The following DDX43 variants were observed in gnomAD, a reference collection of about 807,000 sequenced individuals.
DDX43 encodes probable ATP-dependent RNA helicase DDX43.
In DDX43, 50 loss-of-function variants were observed where a neutral mutation model predicts 84.9. That is an observed-to-expected ratio of 0.59 (90% CI 0.47 to 0.75). DDX43 has a LOEUF of 0.75. Among genes scored for constraint, DDX43 ranks in the 30% least tolerant of loss-of-function variants. The pLI is 0.00. For missense variants in DDX43, 689 were observed against 798.6 expected, an observed-to-expected ratio of 0.86 and a Z score of 1.65; for synonymous variants, 291 against 266.3, an observed-to-expected ratio of 1.09 and a Z score of -0.90.
intron 4 of DDX43, among the ~76,000 whole-genome samples, chr6:73,402,318 A>G (rs749053587): frequency 5.9e-5 from 9 of 152,246 alleles, no homozygotes; most frequent in Non-Finnish European, 1.2e-4. Context: ...GTGATTGAGT[A>G]AAAATAGATC....
chr6:73,404,895 C>A, intron 5 of DDX43, 124 bp downstream of exon 5: 1 of 765,318 alleles, frequency 1.3e-6, no homozygotes, highest in Non-Finnish European at 2.1e-6. Flanking sequence ...GAAAATGTGT[C>A]AACTTACATG....
Position 73,413,797 on chromosome 6 carries a change from T to A in DDX43, c.1496+12T>A. On this transcript the variant is annotated intron_variant, in intron 12 of 16. Transcript: ENST00000370336. The stretch of plus-strand genomic sequence containing the variant: ...TCTCGAAAAGCTGTGTAGGTATTTT[T>A]TCTTGTGTGTCCATTATAATTAATT... 1.9e-6 allele frequency: 3 copies of A among 1,609,624 alleles called. No homozygotes were observed. Among genetic ancestry groups the A allele is most frequent in the Non-Finnish European group, 2.5e-6 (3 of 1,178,522 alleles).
chr6:73,404,479 A>G (rs1328271916), intron 4 of DDX43, among the ~76,000 whole-genome samples: 3 of 152,222 alleles, frequency 2.0e-5, no homozygotes, highest in Non-Finnish European at 4.4e-5. Flanking sequence ...CCAGCCTCTC[A>G]AAGTGCTGGG....
At chr6:73,405,469 G>A (rs1326620294) in intron 5 of DDX43, among the ~76,000 whole-genome samples, 7 of 152,158 alleles carry the variant, frequency 4.6e-5, no homozygotes, top group Admixed American at 6.5e-5. Flanking sequence ...AATGTATAAT[G>A]TTTTTAAGTT....
chr6:73,412,936 C>T (rs531403345), intron 11 of DDX43, among the ~76,000 whole-genome samples: 1 of 152,106 alleles, frequency 6.6e-6, no homozygotes, highest in South Asian at 2.1e-4. Flanking sequence ...GCCATGTTGG[C>T]CAGGCTGGTC....
intron 2 of DDX43, among the ~76,000 whole-genome samples, chr6:73,399,119 G>A (rs1160118121): frequency 6.6e-6 from 1 of 151,800 alleles, no homozygotes; most frequent in Non-Finnish European, 1.5e-5. Flanking sequence ...GCTAATTTTT[G>A]TACTTTAAGT....
chr6:73,405,660 T>A lies in DDX43; in HGVS notation c.651-19T>A, dbSNP rs755521911. 3.6e-5 allele frequency: 58 copies of A among 1,610,414 alleles called. No individual in the cohort carries two copies. The highest frequency in any genetic ancestry group is 4.6e-5 in the Non-Finnish European group (54 of 1,178,162). On this transcript the variant is annotated intron_variant, in intron 5 of 16. Coordinates refer to ENST00000370336, the MANE Select transcript of DDX43 (RefSeq NM_018665.3). ...GGAGTAAAGTGAGGAAAGCCACTGA[T>A]GTTTTTTATTCTTTGAAGGAAAGAA...
intron 9 of DDX43, 118 bp from the exon 10 acceptor site, chr6:73,409,130 C>A: frequency 1.3e-6 from 1 of 749,238 alleles, no homozygotes; most frequent in Non-Finnish European, 2.3e-6. Context: ...AGAATCGTGG[C>A]TTAAGTAATA....
intron 14 of DDX43, 29 bp downstream of exon 14, chr6:73,414,715 G>T: frequency 6.3e-7 from 1 of 1,585,736 alleles, no homozygotes; most frequent in East Asian, 2.3e-5. Context: ...CCCATGAAAG[G>T]CCAATTCTAG....
Position 73,412,211 on chromosome 6 carries a change from A to G in DDX43, c.1287A>G (p.Thr429=), listed in dbSNP as rs1769800464. ...TTGTAACTTGTATTCCCAGTGCTAC[A>G]TGGCCTCATTCAGTTCATCGCCTCG... is the stretch of plus-strand genomic sequence containing the variant. ...PDRQTVMTSA[T]WPHSVHRLAQ... Residue 429 remains threonine, a synonymous_variant, in exon 11 of 17, where the codon ACA becomes ACG. Transcript: ENST00000370336. 19 of 1,612,040 alleles carry G rather than the reference A, an allele frequency of 1.2e-5. No homozygotes were observed. In the Middle Eastern group the frequency reaches 4.9e-4, roughly 42 times the overall value.
intron 12 of DDX43, 56 bp downstream of exon 12, chr6:73,413,841 T>G: frequency 6.4e-7 from 1 of 1,569,436 alleles, no homozygotes; most frequent in Non-Finnish European, 8.7e-7. Flanking sequence ...TAGGATCATT[T>G]CTATTTGTAT....
rs1026764698 is a variant in DDX43 at position 73,405,884 on chromosome 6, C to G, written c.807+49C>G. 2.6e-6 allele frequency: 4 copies of G among 1,541,440 alleles called. No individual in the cohort carries two copies. In the Admixed American group the frequency reaches 7.2e-5, roughly 28 times the overall value. ...TTTCACTCAATGTTTTTCTTCGAAA[C>G]CAGTGATATCTGATTGTTAGAAGAC... is the stretch of plus-strand genomic sequence containing the variant. On this transcript the variant is annotated intron_variant, in intron 6 of 16. Transcript: ENST00000370336.
Position 73,412,224 on chromosome 6 carries a change from G to A in DDX43, c.1300G>A (p.Val434Ile). The A allele has an allele frequency of 6.2e-7, 1 of 1,613,638 alleles. No individual in the cohort carries two copies. Among genetic ancestry groups the A allele is most frequent in the African/African-American group, 1.3e-5 (1 of 74,986 alleles). The change falls in exon 11 of 17, where the codon GTT becomes ATT. Residue 434 changes from valine to isoleucine, a missense_variant. Val to Ile is a conservative substitution (Grantham distance 29, BLOSUM62 3). Coordinates refer to ENST00000370336, the MANE Select transcript of DDX43 (RefSeq NM_018665.3). ...TCCCAGTGCTACATGGCCTCATTCA[G>A]TTCATCGCCTCGCACAATCTTATTT... ...VMTSATWPHS[V>I]HRLAQSYLKE...
At chr6:73,402,842 G>C (rs1769601971) in intron 4 of DDX43, among the ~76,000 whole-genome samples, 1 of 152,142 alleles carries the variant, frequency 6.6e-6, no homozygotes, top group African/African-American at 2.4e-5. Context: ...GCCTCCCAAA[G>C]TGCTGGGATT....
rs907213933 is a variant in DDX43, at chr6:73,397,033, T to G, written c.251-656T>G. Among the ~76,000 whole-genome samples the G allele has an allele frequency of 2.0e-5, 3 of 152,228 alleles. No homozygotes were observed. The East Asian group carries it at 5.8e-4, about 29-fold the overall frequency. ...TTATTATGAAAATGGAAGTGCAATA[T>G]ATCTTTGAGACTCAGCTTTAAATTC... On this transcript the variant is annotated intron_variant, in intron 1 of 16. Transcript: ENST00000370336.
intron 4 of DDX43, among the ~76,000 whole-genome samples, chr6:73,403,528 A>G (rs970972837): frequency 1.3e-5 from 2 of 152,214 alleles, no homozygotes; most frequent in Admixed American, 1.3e-4. Context: ...GACCAAGGAT[A>G]TAAGTTTAAT....
intron 13 of DDX43, 44 bp downstream of exon 13, chr6:73,414,123 C>A: frequency 8.1e-7 from 1 of 1,227,834 alleles, no homozygotes; most frequent in Non-Finnish European, 1.2e-6. Context: ...AAAATTAGTG[C>A]AATACCTGGG....
intron 2 of DDX43, among the ~76,000 whole-genome samples, chr6:73,398,219 C>T (rs1769508889): frequency 6.6e-6 from 1 of 152,012 alleles, no homozygotes; most frequent in South Asian, 2.1e-4. Context: ...TTAAGCTGTT[C>T]CAGGTGTAGG....
chr6:73,396,408 C>A (rs1769473341), intron 1 of DDX43, among the ~76,000 whole-genome samples: 1 of 152,158 alleles, frequency 6.6e-6, no homozygotes, highest in African/African-American at 2.4e-5. Context: ...CAAAATAGTG[C>A]ATTGTAAGAC....
Sources: gnomAD v4.1 joint callset for allele counts (sites outside exome capture counted in the v4.1 genomes callset) on GRCh38, gnomAD v4.1.1 for gene constraint, MANE v1.5 for transcripts, NCBI Gene and HGNC (gene_info 2026-07-23, HGNC 2026-07-21) for gene names.